The following PPM1E variants were observed in gnomAD, a reference collection of about 807,000 sequenced individuals.
PPM1E encodes the protein protein phosphatase 1E.
PPM1E carries 20 observed loss-of-function variants against 65.9 expected under a neutral mutation model. The observed-to-expected ratio is 0.30, with a 90% confidence interval of 0.21 to 0.44. The LOEUF is 0.44. PPM1E is among the 20% of genes least tolerant of loss of function. PPM1E has a pLI of 1.00. For missense variants in PPM1E, 713 were observed against 953.1 expected (o/e 0.75, Z 3.32); for synonymous variants, 352 against 374.9 (o/e 0.94, Z 0.70).
At chr17:58,785,260 A>G (rs1299132109) in intron 1 of PPM1E, 1 of 150,822 alleles carries the variant, frequency 6.6e-6, no homozygotes, top group Non-Finnish European at 1.5e-5. Flanking sequence ...CTGGCACTCG[A>G]ATTTTTAGAA....
At chr17:58,765,294 C>T (rs1716812312) in intron 1 of PPM1E, among the ~76,000 whole-genome samples, 1 of 151,446 alleles carries the variant, frequency 6.6e-6, no homozygotes, top group African/African-American at 2.4e-5. Flanking sequence ...TCTTTTGCCT[C>T]AGCCTCCCGA....
At chr17:58,922,588 T>C (rs2051766537) in intron 1 of PPM1E, among the ~76,000 whole-genome samples, 1 of 152,142 alleles carries the variant, frequency 6.6e-6, no homozygotes, top group African/African-American at 2.4e-5. Flanking sequence ...TGCATTGTAT[T>C]CCATTGTATT....
intron 1 of PPM1E, among the ~76,000 whole-genome samples, chr17:58,853,805 T>G (rs750447675): frequency 2.0e-5 from 3 of 152,130 alleles, no homozygotes; most frequent in African/African-American, 7.2e-5. Flanking sequence ...CACTCCAGCC[T>G]GGACGACAGA....
intron 1 of PPM1E, among the ~76,000 whole-genome samples, chr17:58,942,554 C>G (rs2052087557): frequency 6.6e-6 from 1 of 152,096 alleles, no homozygotes; most frequent in South Asian, 2.1e-4. Context: ...ATCTTGTACA[C>G]AAGCATCCTG....
chr17:58,870,786 G>A (rs570721235), intron 1 of PPM1E, among the ~76,000 whole-genome samples: 2 of 152,230 alleles, frequency 1.3e-5, no homozygotes, highest in Admixed American at 1.3e-4. Flanking sequence ...TCCAGCTTAC[G>A]TTTCTAGTGG....
chr17:58,783,201 GCT>G (rs1458292356), intron 1 of PPM1E, among the ~76,000 whole-genome samples: 39 of 152,166 alleles, frequency 2.6e-4, no homozygotes, highest in Admixed American at 1.5e-3. Context: ...AAATGACAAA[GCT>G]TGATGGACCT....
intron 1 of PPM1E, among the ~76,000 whole-genome samples, chr17:58,842,860 C>T (rs536564105): frequency 1.3e-5 from 2 of 152,142 alleles, no homozygotes; most frequent in Non-Finnish European, 2.9e-5. Context: ...ATCTCTTGAA[C>T]CTGGGAGGTG....
At chr17:58,925,035 C>T (rs1353252724) in intron 1 of PPM1E, among the ~76,000 whole-genome samples, 3 of 152,140 alleles carry the variant, frequency 2.0e-5, no homozygotes, top group African/African-American at 7.2e-5. Flanking sequence ...CCACAATAAA[C>T]ATATGTGTGC....
intron 1 of PPM1E, among the ~76,000 whole-genome samples, chr17:58,922,788 G>GATT (rs1458370075): frequency 6.6e-6 from 1 of 150,734 alleles, no homozygotes; most frequent in African/African-American, 2.4e-5. Flanking sequence ...GGGTTCAAGT[G>GATT]ATTATCCTGC....
chr17:58,819,338 G>A (rs1403173526), intron 1 of PPM1E, among the ~76,000 whole-genome samples: 1 of 151,992 alleles, frequency 6.6e-6, no homozygotes, highest in Non-Finnish European at 1.5e-5. Context: ...TAGTAGACAC[G>A]GGGTTTCGCC....
intron 1 of PPM1E, among the ~76,000 whole-genome samples, chr17:58,772,608 A>G (rs533341000): frequency 7.2e-5 from 11 of 152,190 alleles, no homozygotes; most frequent in Non-Finnish European, 1.6e-4. Flanking sequence ...GCTGAAAAGC[A>G]TTCCACCAGA....
At chr17:58,770,860 CTT>C (rs781300201) in intron 1 of PPM1E, among the ~76,000 whole-genome samples, 39 of 136,370 alleles carry the variant, frequency 2.9e-4, no homozygotes, top group Admixed American at 3.0e-4. Context: ...TGTAACTTTT[CTT>C]TTTTTTTTTT....
intron 1 of PPM1E, among the ~76,000 whole-genome samples, chr17:58,870,276 C>T (rs545809975): frequency 1.3e-5 from 2 of 152,252 alleles, no homozygotes; most frequent in South Asian, 4.1e-4. Flanking sequence ...AAAGAAATGG[C>T]TTTATCAGAA....
intron 1 of PPM1E, among the ~76,000 whole-genome samples, chr17:58,820,793 A>G (rs2050472026): frequency 6.6e-6 from 1 of 152,182 alleles, no homozygotes; most frequent in African/African-American, 2.4e-5. Context: ...TTTAAATTAT[A>G]TCATAAATAA....
chr17:58,922,340 A>G (rs1021830481), intron 1 of PPM1E, among the ~76,000 whole-genome samples: 2 of 151,586 alleles, frequency 1.3e-5, no homozygotes, highest in Admixed American at 6.6e-5. Flanking sequence ...GCAACCTCGA[A>G]CTCCTGGGCT....
Position 58,965,863 on chromosome 17 carries a change from T to A in PPM1E, c.753T>A (p.Ile251=), listed in dbSNP as rs1001220856. Residue 251 remains isoleucine, a synonymous_variant, in exon 3 of 7, where the codon ATT becomes ATA. Coordinates refer to ENST00000308249, the MANE Select transcript of PPM1E (RefSeq NM_014906.5). ...AAATGGAGGACAAACATGTCTGCAT[T>A]CCTGACTTTAATATGCTCTTCAACC... ...RRKMEDKHVC[I]PDFNMLFNLE... 1.2e-6 allele frequency: 2 copies of A among 1,614,092 alleles called. No individual in the cohort carries two copies. The highest frequency in any genetic ancestry group is 2.7e-5 in the African/African-American group (2 of 74,940).
Position 58,770,981 on chromosome 17 carries a change from C to T in PPM1E, c.464+14520C>T, listed in dbSNP as rs148326307. On this transcript the variant is annotated intron_variant, in intron 1 of 6. Coordinates refer to ENST00000308249, the MANE Select transcript of PPM1E (RefSeq NM_014906.5). The stretch of plus-strand genomic sequence containing the variant: ...AAGTGATTCTTCTGCCTCAGCCTTC[C>T]AAGTAGCTGGGACTACAGGCGCATG... Among the ~76,000 whole-genome samples, 1,476 of 152,048 alleles carry T rather than the reference C, an allele frequency of 9.7e-3. 16 individuals carry two copies. The highest frequency in any genetic ancestry group is 0.034 in the African/African-American group (1,420 of 41,468).
At chr17:58,896,616 G>T (rs550042066) in intron 1 of PPM1E, among the ~76,000 whole-genome samples, 2 of 152,060 alleles carry the variant, frequency 1.3e-5, no homozygotes, top group African/African-American at 4.8e-5. Flanking sequence ...AGAAGTTGCA[G>T]AAGTCTGAAG....
intron 1 of PPM1E, among the ~76,000 whole-genome samples, chr17:58,892,830 A>G (rs1451643298): frequency 6.6e-6 from 1 of 152,208 alleles, no homozygotes; most frequent in African/African-American, 2.4e-5. Context: ...TACCAAAACA[A>G]ATTTTTATAT....
Sources: gnomAD v4.1 joint callset for allele counts (sites outside exome capture counted in the v4.1 genomes callset) on GRCh38, gnomAD v4.1.1 for gene constraint, MANE v1.5 for transcripts, NCBI Gene and HGNC (gene_info 2026-07-23, HGNC 2026-07-21) for gene names.